The following SPAG9 variants were observed in gnomAD, a reference collection of about 807,000 sequenced individuals.
SPAG9 encodes C-Jun-amino-terminal kinase-interacting protein 4.
In SPAG9, 35 loss-of-function variants were observed where a neutral mutation model predicts 166.5. The ratio of observed to expected loss-of-function variants is 0.21; its 90% CI spans 0.16 to 0.28. SPAG9 has a LOEUF of 0.28. Ranked by LOEUF, SPAG9 falls within the 10% of genes least tolerant of loss-of-function variation. The pLI, the probability that SPAG9 is intolerant of heterozygous loss-of-function variation, is 1.00. For missense variants in SPAG9, 1,235 were observed against 1,603.3 expected, an observed-to-expected ratio of 0.77 and a Z score of 3.92; for synonymous variants, 534 against 565.5, an observed-to-expected ratio of 0.94 and a Z score of 0.79.
At position 51,103,513 on chromosome 17, in the gene SPAG9, A is replaced by T. The variant is rs184480401; in HGVS notation, c.303+16841T>A. 5.9e-5 allele frequency among the ~76,000 whole-genome samples: 9 copies of T among 152,344 alleles called. No individual in the cohort carries two copies. The South Asian group carries it at 1.2e-3, about 21-fold the overall frequency. On this transcript the variant is annotated intron_variant, in intron 1 of 29. Transcript: ENST00000262013. ...GGCCTGGAGAGAGGATACTTTTTAC[A>T]AACCAAATTCAAAATGTTCACTGTG...
chr17:50,996,773 C>CGT, intron 15 of SPAG9, 79 bp from the exon 16 acceptor site: 1 of 1,432,052 alleles, frequency 7.0e-7, no homozygotes, highest in African/African-American at 1.4e-5. Flanking sequence ...TCCTCTGTCA[C>CGT]TAAAACAGCA....
chr17:51,082,540 C>A (rs1208877156), intron 1 of SPAG9, among the ~76,000 whole-genome samples: 4 of 152,016 alleles, frequency 2.6e-5, no homozygotes, highest in African/African-American at 9.7e-5. Flanking sequence ...TCCATGAAGT[C>A]AGGGATTTTT....
chr17:50,996,449 T>A (rs1376776357), intron 16 of SPAG9, 116 bp downstream of exon 16: 3 of 1,187,594 alleles, frequency 2.5e-6, no homozygotes, highest in Non-Finnish European at 3.6e-6. Context: ...GTGTGCCCAG[T>A]CCATGCGGCT....
chr17:50,975,731 C>A, intron 27 of SPAG9: 3 of 609,688 alleles, frequency 4.9e-6, no homozygotes, highest in South Asian at 2.2e-5. Context: ...AAAAAGACAC[C>A]TGCTGCGATG....
intron 1 of SPAG9, among the ~76,000 whole-genome samples, chr17:51,110,785 C>T (rs920308659): frequency 4.8e-4 from 73 of 151,962 alleles, no homozygotes; most frequent in African/African-American, 1.6e-3. Context: ...TTGGGTGTGC[C>T]TATTATGCCA....
chr17:51,003,514 A>C (rs1440286711), intron 12 of SPAG9, among the ~76,000 whole-genome samples: 1 of 152,236 alleles, frequency 6.6e-6, no homozygotes, highest in African/African-American at 2.4e-5. Flanking sequence ...GTACTCAACT[A>C]TAAGAGTCGC....
At chr17:51,097,765 C>T (rs1411439313) in intron 1 of SPAG9, among the ~76,000 whole-genome samples, 1 of 151,994 alleles carries the variant, frequency 6.6e-6, no homozygotes, top group African/African-American at 2.4e-5. Flanking sequence ...GAACTGATTG[C>T]TTGCTGGTAG....
intron 23 of SPAG9, 54 bp from the exon 24 acceptor site, chr17:50,985,044 C>T: frequency 6.7e-7 from 1 of 1,492,896 alleles, no homozygotes; most frequent in Non-Finnish European, 9.3e-7. Context: ...ACAGAAGGGA[C>T]CACATGCTAC....
intron 1 of SPAG9, among the ~76,000 whole-genome samples, chr17:51,113,353 C>CAAAAAAAAAAAAAA (rs34917845): frequency 1.0e-5 from 1 of 95,916 alleles, no homozygotes; most frequent in Non-Finnish European, 2.1e-5. Context: ...AATGCCATAT[C>CAAAAAAAAAAAAAA]AAAAAAAAAA....
intron 2 of SPAG9, among the ~76,000 whole-genome samples, chr17:51,077,109 TCTAGCTATCTAG>T (rs2048037053): frequency 1.5e-5 from 2 of 129,452 alleles, no homozygotes; most frequent in African/African-American, 5.9e-5. Context: ...TAGCTAGCTA[TCTAGCTATCTAG>T]CTAGCTATCT....
chr17:50,989,970 A>C, intron 20 of SPAG9, 98 bp from the exon 21 acceptor site: 1 of 904,374 alleles, frequency 1.1e-6, no homozygotes. Flanking sequence ...CCATCTACCC[A>C]CTCCTTCACA....
chr17:51,021,232 T>G lies in SPAG9; in HGVS notation c.917A>C (p.Asp306Ala), dbSNP rs150271208. ...GCTTATCTCTGATTTATTTGGCGCA[T>G]CTGTAACCTTCACAAATCCTTCGTT... Reference protein sequence around the residue: ...EENEGFVKVTDAPNKSEISKH... With the variant: ...EENEGFVKVTAAPNKSEISKH... The change falls in exon 7 of 30, where the codon GAT becomes GCT. Residue 306 changes from aspartate (D) to alanine (A), a missense_variant. Transcript: ENST00000262013. The G allele has an allele frequency of 2.2e-4, 352 of 1,614,128 alleles. 2 individuals are homozygous for G. The African/African-American group carries it at 4.5e-3, about 20-fold the overall frequency.
chr17:51,096,766 A>C (rs2048660543), intron 1 of SPAG9, among the ~76,000 whole-genome samples: 1 of 152,238 alleles, frequency 6.6e-6, no homozygotes, highest in Non-Finnish European at 1.5e-5. Context: ...AGGTAAAAAA[A>C]AATAAAATGC....
chr17:50,999,781 G>T, intron 13 of SPAG9, 64 bp from the exon 14 acceptor site: 1 of 1,413,954 alleles, frequency 7.1e-7, no homozygotes, highest in Non-Finnish European at 9.9e-7. Flanking sequence ...TCTTTCTGAA[G>T]AACAAGAGAC....
chr17:51,092,735 G>C (rs1332824228), intron 1 of SPAG9, among the ~76,000 whole-genome samples: 4 of 139,286 alleles, frequency 2.9e-5, no homozygotes, highest in Admixed American at 2.3e-4. Context: ...GGAACATAGA[G>C]AGACCCTTGT....
At chr17:50,973,324 G>A (rs1431799279) in intron 28 of SPAG9, among the ~76,000 whole-genome samples, 1 of 152,168 alleles carries the variant, frequency 6.6e-6, no homozygotes, top group African/African-American at 2.4e-5. Flanking sequence ...AGGAGAATGG[G>A]ATTGGAGAGG....
chr17:51,064,829 T>C (rs1304741192), intron 2 of SPAG9, among the ~76,000 whole-genome samples: 2 of 152,136 alleles, frequency 1.3e-5, no homozygotes, highest in African/African-American at 2.4e-5. Context: ...CACTTCAAAA[T>C]GGTGAATTTT....
At chr17:51,056,505 T>G (rs770855860) in intron 2 of SPAG9, 23 bp from the exon 3 acceptor site, 25 of 1,446,180 alleles carry the variant, frequency 1.7e-5, no homozygotes, top group African/African-American at 2.8e-5. Context: ...TACATACACT[T>G]GATCAAAACA....
intron 6 of SPAG9, among the ~76,000 whole-genome samples, chr17:51,027,399 C>T (rs1005600287): frequency 2.2e-4 from 34 of 151,278 alleles, no homozygotes; most frequent in Non-Finnish European, 2.8e-4. Context: ...CATACCACTG[C>T]GCTCCAGCCT....
Sources: gnomAD v4.1 joint callset for allele counts (sites outside exome capture counted in the v4.1 genomes callset) on GRCh38, gnomAD v4.1.1 for gene constraint, MANE v1.5 for transcripts, NCBI Gene and HGNC (gene_info 2026-07-23, HGNC 2026-07-21) for gene names.